Variants in CNTNAP5 observed in about 807,000 individuals in gnomAD.
The protein encoded by CNTNAP5 is contactin-associated protein-like 5.
CNTNAP5 carries 72 observed loss-of-function variants against 150.2 expected under a neutral mutation model. That is an observed-to-expected ratio of 0.48 (90% CI 0.40 to 0.58). CNTNAP5 has a LOEUF of 0.58. CNTNAP5 is among the 20% of genes least tolerant of loss of function. The pLI, the probability that CNTNAP5 is intolerant of heterozygous loss-of-function variation, is 0.00. For synonymous variants in CNTNAP5, 672 were observed against 619.8 expected, an observed-to-expected ratio of 1.08 and a Z score of -1.25; for missense variants, 1,636 against 1,626.2, an observed-to-expected ratio of 1.01 and a Z score of -0.10.
At chr2:124,206,905 C>T (rs1685878692) in intron 1 of CNTNAP5, among the ~76,000 whole-genome samples, 3 of 151,694 alleles carry the variant, frequency 2.0e-5, no homozygotes, top group Admixed American at 2.0e-4. Flanking sequence ...AGGTTGCAGG[C>T]AGAAAAAAAG....
At chr2:124,213,320 A>C (rs1474062588) in intron 1 of CNTNAP5, among the ~76,000 whole-genome samples, 6 of 152,328 alleles carry the variant, frequency 3.9e-5, no homozygotes, top group Admixed American at 3.3e-4. Context: ...ACTAATGGAA[A>C]AGACCATTGC....
chr2:124,859,321 C>A, intron 19 of CNTNAP5, among the ~76,000 whole-genome samples: 1 of 152,182 alleles, frequency 6.6e-6, no homozygotes, highest in Non-Finnish European at 1.5e-5. Context: ...CTCACCATCA[C>A]TGGCCATCAG....
intron 1 of CNTNAP5, among the ~76,000 whole-genome samples, chr2:124,186,312 T>G (rs546486821): frequency 2.6e-5 from 4 of 152,370 alleles, no homozygotes; most frequent in African/African-American, 9.6e-5. Flanking sequence ...ACTGTAAATA[T>G]GCTTATCTGC....
At chr2:124,427,196 G>C (rs1037043328) in intron 4 of CNTNAP5, among the ~76,000 whole-genome samples, 4 of 152,058 alleles carry the variant, frequency 2.6e-5, no homozygotes, top group African/African-American at 9.7e-5. Flanking sequence ...TTAATATGAA[G>C]GAAAACATTC....
chr2:124,113,653 A>G (rs1168294145), intron 1 of CNTNAP5, among the ~76,000 whole-genome samples: 3 of 151,908 alleles, frequency 2.0e-5, no homozygotes, highest in South Asian at 2.1e-4. Flanking sequence ...TTAAATGAAA[A>G]GATAAGTTCT....
chr2:124,312,663 T>C (rs1427098372), intron 3 of CNTNAP5, among the ~76,000 whole-genome samples: 2 of 152,200 alleles, frequency 1.3e-5, no homozygotes, highest in Non-Finnish European at 2.9e-5. Context: ...CTCCGCCTCC[T>C]GGGTTCGCAC....
chr2:124,329,272 C>A (rs1307814027), intron 3 of CNTNAP5, among the ~76,000 whole-genome samples: 1 of 152,122 alleles, frequency 6.6e-6, no homozygotes, highest in African/African-American at 2.4e-5. Context: ...GGTGTGGTGA[C>A]AACTTTTAGT....
chr2:124,088,049 C>A (rs1682733178), intron 1 of CNTNAP5, among the ~76,000 whole-genome samples: 1 of 152,120 alleles, frequency 6.6e-6, no homozygotes, highest in Admixed American at 6.5e-5. Context: ...CACCCTCTTT[C>A]TTCTGGAACT....
chr2:124,410,072 G>A (rs934291862), intron 3 of CNTNAP5, among the ~76,000 whole-genome samples: 4 of 152,214 alleles, frequency 2.6e-5, no homozygotes, highest in Admixed American at 2.0e-4. Flanking sequence ...AAAGGCAGGG[G>A]TTGCCATCCT....
intron 1 of CNTNAP5, among the ~76,000 whole-genome samples, chr2:124,074,555 T>G (rs1289400556): frequency 1.3e-5 from 2 of 152,110 alleles, no homozygotes; most frequent in African/African-American, 2.4e-5. Context: ...ATGGCGAGGC[T>G]GTTGCATATG....
chr2:124,535,337 T>C (rs891607788), intron 10 of CNTNAP5, among the ~76,000 whole-genome samples: 1 of 152,218 alleles, frequency 6.6e-6, no homozygotes, highest in South Asian at 2.1e-4. Context: ...GCTGTAATCC[T>C]TTCTACAATT....
chr2:124,431,567 T>C (rs1011866280), intron 4 of CNTNAP5, among the ~76,000 whole-genome samples: 10 of 143,662 alleles, frequency 7.0e-5, no homozygotes, highest in Admixed American at 7.0e-5. Context: ...AATTTCTTTA[T>C]ATAAACATTA....
intron 3 of CNTNAP5, among the ~76,000 whole-genome samples, chr2:124,379,324 C>G (rs1240892361): frequency 6.6e-6 from 1 of 152,048 alleles, no homozygotes; most frequent in South Asian, 2.1e-4. Context: ...CCTCTATGCT[C>G]TGGCTATTCA....
chr2:124,818,472 C>T (rs1463863249), intron 19 of CNTNAP5, among the ~76,000 whole-genome samples: 3 of 152,092 alleles, frequency 2.0e-5, no homozygotes, highest in Non-Finnish European at 4.4e-5. Context: ...TGCATGGCTA[C>T]AGTGAGGTAC....
intron 13 of CNTNAP5, among the ~76,000 whole-genome samples, chr2:124,700,510 T>G (rs1679499336): frequency 6.6e-6 from 1 of 152,234 alleles, no homozygotes; most frequent in African/African-American, 2.4e-5. Context: ...TCCACAACCT[T>G]GCCAACACTT....
chr2:124,169,089 T>TC (rs143614219), intron 1 of CNTNAP5, among the ~76,000 whole-genome samples: 9 of 119,638 alleles, frequency 7.5e-5, no homozygotes, highest in Non-Finnish European at 1.4e-4. Context: ...ATGCTGCTTC[T>TC]TTTTTTTTTG....
chr2:124,812,818 C>A (rs990291616), intron 19 of CNTNAP5, among the ~76,000 whole-genome samples: 3 of 152,096 alleles, frequency 2.0e-5, no homozygotes, highest in Admixed American at 6.5e-5. Flanking sequence ...CCAAGTTGCA[C>A]CCCAATCACC....
intron 19 of CNTNAP5, among the ~76,000 whole-genome samples, chr2:124,844,577 A>G (rs1307558745): frequency 1.3e-5 from 2 of 152,164 alleles, no homozygotes; most frequent in East Asian, 1.9e-4. Context: ...TTGAATTTGT[A>G]CATTGTTTTT....
chr2:124,513,733 G>T (rs887526581), intron 8 of CNTNAP5, among the ~76,000 whole-genome samples: 5 of 152,168 alleles, frequency 3.3e-5, no homozygotes, highest in Admixed American at 6.5e-5. Context: ...TTATACTCAG[G>T]GGGGAGTACT....
Sources: allele counts gnomAD v4.1 joint callset (sites outside exome capture counted in the v4.1 genomes callset), GRCh38; gene constraint gnomAD v4.1.1; transcripts MANE v1.5; gene names NCBI Gene and HGNC (gene_info 2026-07-23, HGNC 2026-07-21).